Variants in NDST4 observed in about 807,000 individuals in gnomAD.
The protein encoded by NDST4 is N-deacetylase and N-sulfotransferase 4.
In NDST4, 63 loss-of-function variants were observed where a neutral mutation model predicts 100.8. That is an observed-to-expected ratio of 0.62 (90% CI 0.51 to 0.77). NDST4 has a LOEUF of 0.77. Ranked by LOEUF, NDST4 falls within the 30% of genes least tolerant of loss-of-function variation. The pLI, the probability that NDST4 is intolerant of heterozygous loss-of-function variation, is 0.00. For missense variants in NDST4, 943 were observed against 1,018.4 expected (o/e 0.93, Z 1.01); for synonymous variants, 377 against 361.8 (o/e 1.04, Z -0.48).
At chr4:114,984,712 T>C (rs1726860444) in intron 2 of NDST4, among the ~76,000 whole-genome samples, 1 of 152,150 alleles carries the variant, frequency 6.6e-6, no homozygotes. Flanking sequence ...AAATTGACCA[T>C]GCCTGCCTTA....
chr4:114,917,147 C>T (rs1725190866), intron 6 of NDST4, among the ~76,000 whole-genome samples: 2 of 152,202 alleles, frequency 1.3e-5, no homozygotes, highest in South Asian at 4.1e-4. Context: ...CTCTAGATTA[C>T]TTATAATACC....
intron 7 of NDST4, among the ~76,000 whole-genome samples, chr4:114,867,665 C>CAAAAAAAAAAAAAAAAAAGAA: frequency 6.7e-3 from 531 of 79,534 alleles, no homozygotes; most frequent in Non-Finnish European, 8.4e-3. Context: ...AAAAAAAAAG[C>CAAAAAAAAAAAAAAAAAAGAA]AAAAAAAAAA....
At chr4:114,994,775 T>C (rs532957891) in intron 2 of NDST4, among the ~76,000 whole-genome samples, 6 of 152,150 alleles carry the variant, frequency 3.9e-5, no homozygotes, top group Admixed American at 1.3e-4. Flanking sequence ...CTTATCCTCT[T>C]GGGTTTAAAA....
At chr4:115,106,183 C>T (rs1729830091) in intron 1 of NDST4, among the ~76,000 whole-genome samples, 1 of 152,094 alleles carries the variant, frequency 6.6e-6, no homozygotes, top group East Asian at 1.9e-4. Flanking sequence ...CTGCTATTAA[C>T]ATGAGGCATC....
chr4:114,893,869 T>G (rs528036550), intron 6 of NDST4, among the ~76,000 whole-genome samples: 4 of 152,148 alleles, frequency 2.6e-5, no homozygotes, highest in Non-Finnish European at 2.9e-5. Flanking sequence ...TTTATGATTT[T>G]GGGTTTTATA....
chr4:115,109,586 G>C (rs1454119913), intron 1 of NDST4, among the ~76,000 whole-genome samples: 1 of 151,876 alleles, frequency 6.6e-6, no homozygotes, highest in African/African-American at 2.4e-5. Flanking sequence ...CTCAACAAAA[G>C]TCTCGCTTCT....
At chr4:114,954,328 A>C (rs1353301020) in intron 4 of NDST4, among the ~76,000 whole-genome samples, 1 of 152,150 alleles carries the variant, frequency 6.6e-6, no homozygotes, top group East Asian at 1.9e-4. Flanking sequence ...CCAGTCTAGA[A>C]ATTCTAGCAT....
intron 4 of NDST4, among the ~76,000 whole-genome samples, chr4:114,947,119 A>C (rs1725883814): frequency 6.6e-6 from 1 of 152,200 alleles, no homozygotes; most frequent in South Asian, 2.1e-4. Context: ...ATGTCTGGGC[A>C]GCATAGAAGG....
intron 10 of NDST4, among the ~76,000 whole-genome samples, chr4:114,840,773 A>G (rs1489578433): frequency 6.6e-6 from 1 of 152,166 alleles, no homozygotes; most frequent in Non-Finnish European, 1.5e-5. Flanking sequence ...GGTCCGTGCT[A>G]TGACTGTGTA....
In NDST4 at chr4:114,962,350, G is replaced by A. The variant is rs113720147; in HGVS notation, c.1221+8080C>T. Reference sequence around the variant, plus strand: ...TAAAATAAAATATAGCCAGATTGAGGATGAAGAAGTAAAAGTATTTCTATT... The same window carrying A: ...TAAAATAAAATATAGCCAGATTGAGAATGAAGAAGTAAAAGTATTTCTATT... On this transcript the variant is annotated intron_variant, in intron 4 of 13. Coordinates refer to ENST00000264363, the MANE Select transcript of NDST4 (RefSeq NM_022569.3). Among the ~76,000 whole-genome samples, 1,201 of 151,856 alleles carry A rather than the reference G, an allele frequency of 7.9e-3. 23 individuals are homozygous for A. The highest frequency in any genetic ancestry group is 0.027 in the African/African-American group (1,116 of 41,488).
In NDST4 at chr4:114,937,354, G is replaced by T; in HGVS notation, c.1371C>A (p.Ala457=). The change falls in exon 5 of 14, where the codon GCC becomes GCA. Residue 457 remains alanine, a synonymous_variant. Coordinates refer to ENST00000264363, the MANE Select transcript of NDST4 (RefSeq NM_022569.3). The stretch of plus-strand genomic sequence containing the variant: ...TGTGAATGAAGCCCTTTCTGTACCG[G>T]GCAGGTTTCAGATGTGGATATTCTT... The part of the protein sequence containing the change: ...STEEYPHLKP[A]RYRKGFIHNS... 6.2e-7 allele frequency: 1 copy of T among 1,614,016 alleles called. No homozygotes were observed. Among genetic ancestry groups the T allele is most frequent in the Non-Finnish European group, 8.5e-7 (1 of 1,179,978 alleles).
chr4:114,990,498 A>T (rs1345066999), intron 2 of NDST4, among the ~76,000 whole-genome samples: 9 of 152,038 alleles, frequency 5.9e-5, no homozygotes, highest in Admixed American at 5.9e-4. Context: ...TTATTAACTG[A>T]TTCTTTAGTT....
Position 114,873,271 on chromosome 4 carries a change from T to G in NDST4, c.1537-2321A>C, listed in dbSNP as rs1205657967. On this transcript the variant is annotated intron_variant, in intron 6 of 13. Coordinates refer to ENST00000264363, the MANE Select transcript of NDST4 (RefSeq NM_022569.3). ...TTTTAAAAATATTATTTATTTGATT[T>G]ACCTAGGTAGAAATTTAAGTTAAAC... 2.6e-5 allele frequency among the ~76,000 whole-genome samples: 4 copies of G among 151,690 alleles called. No homozygotes were observed. The East Asian group carries it at 7.7e-4, about 29-fold the overall frequency.
In NDST4 at chr4:114,877,750, C is replaced by A. The variant is rs150376411; in HGVS notation, c.1537-6800G>T. ...ATCACCCGAAGTAAGGAGTTTGAGA[C>A]CAGCCTGGCCAAACCTGTGAAACCC... is the stretch of plus-strand genomic sequence containing the variant. On this transcript the variant is annotated intron_variant, in intron 6 of 13. Transcript: ENST00000264363. Among the ~76,000 whole-genome samples the A allele has an allele frequency of 4.0e-3, 606 of 152,188 alleles. 4 individuals are homozygous for A. The highest frequency in any genetic ancestry group is 0.014 in the African/African-American group (569 of 41,528).
chr4:115,034,102 A>T (rs1485794469), intron 2 of NDST4, among the ~76,000 whole-genome samples: 3 of 152,086 alleles, frequency 2.0e-5, no homozygotes, highest in Non-Finnish European at 4.4e-5. Flanking sequence ...CCTAGCCAAA[A>T]ATCCTCCTTC....
intron 2 of NDST4, among the ~76,000 whole-genome samples, chr4:115,038,995 TC>T (rs1690739691): frequency 1.3e-5 from 2 of 151,860 alleles, no homozygotes; most frequent in African/African-American, 4.8e-5. Context: ...AAAAAAAAAT[TC>T]TCAAAATATG....
chr4:114,839,431 C>T lies in NDST4; in HGVS notation c.2233G>A (p.Gly745Arg), dbSNP rs1446583230. 6.2e-7 allele frequency: 1 copy of T among 1,613,720 alleles called. No homozygotes were observed. Among genetic ancestry groups the T allele is most frequent in the Non-Finnish European group, 8.5e-7 (1 of 1,179,766 alleles). The change falls in exon 11 of 14, where the codon GGA becomes AGA. Residue 745 changes from glycine to arginine, a missense_variant. Coordinates refer to ENST00000264363, the MANE Select transcript of NDST4 (RefSeq NM_022569.3). Reference protein sequence around the residue: ...KTLQRRCLVPGWYAVHIERWL... With the variant: ...KTLQRRCLVPRWYAVHIERWL... ...CTTTCTATGTGGACTGCATACCATC[C>T]AGGTACTAGGCATCTTCTCTGCAAA...
rs1727390657 is a variant in NDST4 at position 115,005,407 on chromosome 4, GAGA to G, written c.979-28136_979-28134del. Among the ~76,000 whole-genome samples the G allele has an allele frequency of 1.3e-5, 2 of 152,170 alleles. 1 individual carries two copies. The highest frequency in any genetic ancestry group is 4.1e-4 in the South Asian group (2 of 4,830). On this transcript the variant is annotated intron_variant, in intron 2 of 13. Coordinates refer to ENST00000264363, the MANE Select transcript of NDST4 (RefSeq NM_022569.3). ...ATTGGGATCTTACCAGAGTTTTAAAGAGAAGGAGATAGTGAGCCATAGGCATAT... is the reference window on the plus strand; with the variant it reads ...ATTGGGATCTTACCAGAGTTTTAAAGAGGAGATAGTGAGCCATAGGCATAT...
chr4:114,946,033 G>A (rs763386945), intron 4 of NDST4, among the ~76,000 whole-genome samples: 15 of 152,142 alleles, frequency 9.9e-5, no homozygotes, highest in Non-Finnish European at 2.2e-4. Context: ...ATCCTAAGTA[G>A]AGCTATTTTG....
Sources: allele counts gnomAD v4.1 joint callset (sites outside exome capture counted in the v4.1 genomes callset), GRCh38; gene constraint gnomAD v4.1.1; transcripts MANE v1.5; gene names NCBI Gene and HGNC (gene_info 2026-07-23, HGNC 2026-07-21).